The following COL15A1 variants were observed in gnomAD, a reference collection of about 807,000 sequenced individuals.
COL15A1 encodes collagen type XV alpha 1 chain.
COL15A1 carries 111 observed loss-of-function variants against 165.9 expected under a neutral mutation model. The ratio of observed to expected loss-of-function variants is 0.67; its 90% CI spans 0.57 to 0.78. COL15A1 has a LOEUF of 0.78. Among genes scored for constraint, COL15A1 ranks in the 30% least tolerant of loss-of-function variants. The pLI, the probability that COL15A1 is intolerant of heterozygous loss-of-function variation, is 0.00. For synonymous variants in COL15A1, 659 were observed against 674.8 expected, an observed-to-expected ratio of 0.98 and a Z score of 0.36; for missense variants, 1,745 against 1,789.7, an observed-to-expected ratio of 0.98 and a Z score of 0.45.
At chr9:99,039,867 G>T (rs1325257768) in intron 22 of COL15A1, among the ~76,000 whole-genome samples, 1 of 152,204 alleles carries the variant, frequency 6.6e-6, no homozygotes, top group Non-Finnish European at 1.5e-5. Context: ...TGCCTTCACA[G>T]CTGTGCAATG....
At chr9:99,067,851 G>A (rs1307067159) in intron 40 of COL15A1, among the ~76,000 whole-genome samples, 1 of 152,106 alleles carries the variant, frequency 6.6e-6, no homozygotes, top group African/African-American at 2.4e-5. Context: ...TCAGGAAAAG[G>A]ACTAAAAAGT....
At chr9:98,960,051 C>T (rs1308704472) in intron 2 of COL15A1, among the ~76,000 whole-genome samples, 12 of 152,198 alleles carry the variant, frequency 7.9e-5, no homozygotes, top group Admixed American at 7.9e-4. Context: ...CCTTGATAGA[C>T]TTGTTGCTTA....
chr9:98,992,446 G>T (rs559930645), intron 5 of COL15A1, among the ~76,000 whole-genome samples: 1 of 152,300 alleles, frequency 6.6e-6, no homozygotes, highest in East Asian at 1.9e-4. Flanking sequence ...TCACTGGCCC[G>T]CAAGCGCTGC....
At chr9:99,031,557 G>A (rs1180751660) in intron 16 of COL15A1, among the ~76,000 whole-genome samples, 1 of 152,188 alleles carries the variant, frequency 6.6e-6, no homozygotes, top group Non-Finnish European at 1.5e-5. Context: ...CAGTTTTGCG[G>A]ACACGTCATG....
intron 2 of COL15A1, among the ~76,000 whole-genome samples, chr9:98,963,264 A>G (rs975304096): frequency 1.7e-4 from 22 of 130,056 alleles, no homozygotes; most frequent in Admixed American, 1.4e-3. Context: ...CTCACTTCTC[A>G]CAATGCCTGC....
intron 2 of COL15A1, among the ~76,000 whole-genome samples, chr9:98,959,487 C>T (rs892638766): frequency 4.6e-5 from 7 of 152,258 alleles, no homozygotes; most frequent in African/African-American, 1.7e-4. Context: ...AACTGAGCTG[C>T]ATACCATTCC....
chr9:98,991,864 G>A (rs556455144), intron 5 of COL15A1, among the ~76,000 whole-genome samples: 10 of 151,480 alleles, frequency 6.6e-5, no homozygotes, highest in African/African-American at 2.4e-4. Flanking sequence ...GCTGATTGGT[G>A]TATTTACAAT....
At chr9:98,948,081 A>G (rs1837612772) in intron 2 of COL15A1, among the ~76,000 whole-genome samples, 1 of 152,174 alleles carries the variant, frequency 6.6e-6, no homozygotes, top group Non-Finnish European at 1.5e-5. Flanking sequence ...AGGTTTGATT[A>G]TTTCACATAG....
At chr9:99,061,451 A>G (rs1825814970) in intron 36 of COL15A1, among the ~76,000 whole-genome samples, 1 of 152,326 alleles carries the variant, frequency 6.6e-6, no homozygotes, top group Admixed American at 6.5e-5. Context: ...TCCATTTTCT[A>G]TCATGCATTT....
chr9:98,966,795 T>C (rs1468194717), intron 2 of COL15A1, among the ~76,000 whole-genome samples: 2 of 152,228 alleles, frequency 1.3e-5, no homozygotes, highest in African/African-American at 4.8e-5. Flanking sequence ...ATTAATATTA[T>C]ATTATATCTC....
chr9:98,993,934 T>A (rs1838497147), intron 5 of COL15A1, among the ~76,000 whole-genome samples: 2 of 152,188 alleles, frequency 1.3e-5, no homozygotes. Context: ...AATTGCAGAC[T>A]TTCTGAGTGG....
intron 26 of COL15A1, 61 bp downstream of exon 26, chr9:99,044,831 G>A (rs894032295): frequency 1.4e-4 from 207 of 1,443,962 alleles, no homozygotes; most frequent in Non-Finnish European, 1.9e-4. Context: ...TTCATACTTT[G>A]ATTTGGTTAG....
At chr9:99,009,161 G>A (rs1838808644) in intron 9 of COL15A1, among the ~76,000 whole-genome samples, 1 of 150,898 alleles carries the variant, frequency 6.6e-6, no homozygotes, top group Admixed American at 6.6e-5. Flanking sequence ...ACCTATCAGA[G>A]TCCTATGCCG....
intron 9 of COL15A1, among the ~76,000 whole-genome samples, chr9:99,007,386 G>A (rs757783746): frequency 1.3e-5 from 2 of 152,124 alleles, no homozygotes; most frequent in Non-Finnish European, 2.9e-5. Flanking sequence ...GATTTTGGGG[G>A]TCCTGAGATT....
intron 14 of COL15A1, among the ~76,000 whole-genome samples, chr9:99,024,277 G>GTTTTTTTTTTTTTTTTTTTTTTTTTTTT (rs773196929): frequency 9.2e-6 from 1 of 108,644 alleles, no homozygotes; most frequent in Non-Finnish European, 1.8e-5. Flanking sequence ...AGTTTTTTTT[G>GTTTTTTTTTTTTTTTTTTTTTTTTTTTT]TTTTTTTGTT....
intron 2 of COL15A1, among the ~76,000 whole-genome samples, chr9:98,949,966 C>G (rs1164218311): frequency 6.6e-6 from 1 of 152,170 alleles, no homozygotes; most frequent in African/African-American, 2.4e-5. Context: ...CTGACTTCTT[C>G]CATTTAACAT....
chr9:99,059,327 A>G (rs1588538316), intron 35 of COL15A1, among the ~76,000 whole-genome samples: 1 of 152,338 alleles, frequency 6.6e-6, no homozygotes, highest in South Asian at 2.1e-4. Flanking sequence ...TACATTTTGC[A>G]GATGAGGAAA....
intron 23 of COL15A1, 180 bp downstream of exon 23, chr9:99,040,736 C>A: frequency 3.7e-6 from 4 of 1,086,340 alleles, no homozygotes; most frequent in South Asian, 1.6e-5. Flanking sequence ...CCAGGCTGGT[C>A]TGGAACTCCT....
intron 2 of COL15A1, among the ~76,000 whole-genome samples, chr9:98,982,674 C>T (rs1460633731): frequency 2.0e-5 from 3 of 151,714 alleles, no homozygotes; most frequent in Non-Finnish European, 4.4e-5. Context: ...CAGGGTCTCG[C>T]TCTGTCACCC....
Sources: allele counts gnomAD v4.1 joint callset (sites outside exome capture counted in the v4.1 genomes callset), GRCh38; gene constraint gnomAD v4.1.1; transcripts MANE v1.5; gene names NCBI Gene and HGNC (gene_info 2026-07-23, HGNC 2026-07-21).